Variants in SNCAIP observed in about 807,000 individuals in gnomAD.
SNCAIP encodes synuclein alpha interacting protein.
Under a neutral mutation model 86.7 loss-of-function variants are expected in SNCAIP, and 43 were observed. The observed-to-expected ratio is 0.50, with a 90% CI of 0.39 to 0.64. The LOEUF (loss-of-function observed/expected upper bound fraction) is 0.64. Ranked by LOEUF, SNCAIP falls within the 30% of genes least tolerant of loss-of-function variation. SNCAIP has a pLI of 0.00. For missense variants in SNCAIP, 981 were observed against 1,103.1 expected, an observed-to-expected ratio of 0.89 and a Z score of 1.57; for synonymous variants, 417 against 427.2, an observed-to-expected ratio of 0.98 and a Z score of 0.29.
intron 1 of SNCAIP, among the ~76,000 whole-genome samples, chr5:122,313,314 T>C (rs1191402018): frequency 2.0e-5 from 3 of 149,718 alleles, no homozygotes; most frequent in Admixed American, 6.6e-5. Context: ...ACGGGAGAAC[T>C]GCTGCAGGAC....
In SNCAIP at chr5:122,423,062, G is replaced by A. The variant is rs770918170; in HGVS notation, c.325G>A (p.Gly109Ser). Residue 109 changes from glycine to serine, a missense_variant, in exon 4 of 11, where the codon GGT becomes AGT. Physicochemically the swap from Gly to Ser is moderately conservative, Grantham distance 56 (BLOSUM62 0). Coordinates refer to ENST00000261368, the MANE Select transcript of SNCAIP (RefSeq NM_005460.4). The part of the protein sequence containing the change: ...NQKVVEYQKG[G>S]ESDLGPQPQE... ...GAAAGTGGTTGAGTACCAGAAAGGG[G>A]GTGAGTCTGACCTGGGCCCCCAGCC... is the stretch of plus-strand genomic sequence containing the variant. 1 of 1,614,068 alleles carries A rather than the reference G, an allele frequency of 6.2e-7. No homozygotes were observed. Among genetic ancestry groups the A allele is most frequent in the South Asian group, 1.1e-5 (1 of 91,058 alleles).
chr5:122,448,740 TACAC>T (rs1228270938), intron 8 of SNCAIP, among the ~76,000 whole-genome samples: 1 of 142,416 alleles, frequency 7.0e-6, no homozygotes, highest in African/African-American at 2.6e-5. Context: ...TATATATATA[TACAC>T]ACACACACAT....
At chr5:122,319,344 G>T (rs1465264047) in intron 1 of SNCAIP, among the ~76,000 whole-genome samples, 1 of 152,128 alleles carries the variant, frequency 6.6e-6, no homozygotes, top group African/African-American at 2.4e-5. Context: ...CTGTGATACT[G>T]CTGCTGCCAG....
Position 122,463,545 on chromosome 5 carries a change from T to G in SNCAIP, c.*49T>G, listed in dbSNP as rs760580286. ...AATCCTACAGCATAAAGCACATTGCTGAGCCAGAGTCAAAAGAACTCTTCT... is the reference window on the plus strand; with the variant it reads ...AATCCTACAGCATAAAGCACATTGCGGAGCCAGAGTCAAAAGAACTCTTCT... On this transcript the variant is annotated 3_prime_UTR_variant, in exon 11 of 11. Transcript: ENST00000261368. 1.9e-5 allele frequency: 31 copies of G among 1,604,592 alleles called. No homozygotes were observed. Among genetic ancestry groups the G allele is most frequent in the Non-Finnish European group, 2.6e-5 (31 of 1,172,840 alleles).
At position 122,406,479 on chromosome 5, in the gene SNCAIP, C is replaced by T. The variant is rs190340386; in HGVS notation, c.130+2614C>T. The stretch of plus-strand genomic sequence containing the variant: ...ATATGGTTTGGATCTCTGTTCCCAT[C>T]CAAACCTCATGTTGAATGGTAAACC... On this transcript the variant is annotated intron_variant, in intron 3 of 10. Coordinates refer to ENST00000261368, the MANE Select transcript of SNCAIP (RefSeq NM_005460.4). Among the ~76,000 whole-genome samples, 394 of 152,266 alleles carry T rather than the reference C, an allele frequency of 2.6e-3. 3 individuals are homozygous for T. Among genetic ancestry groups the T allele is most frequent in the African/African-American group, 8.6e-3 (359 of 41,548 alleles).
intron 1 of SNCAIP, among the ~76,000 whole-genome samples, chr5:122,353,862 C>T (rs1350732445): frequency 6.6e-6 from 1 of 151,980 alleles, no homozygotes; most frequent in Non-Finnish European, 1.5e-5. Context: ...GCAGAAAGGG[C>T]CCAAGATGAG....
chr5:122,395,982 C>T (rs1020391250), intron 2 of SNCAIP, among the ~76,000 whole-genome samples: 2 of 151,824 alleles, frequency 1.3e-5, no homozygotes, highest in Admixed American at 6.6e-5. Flanking sequence ...CTGTCTCTGT[C>T]TGTAAGCCCT....
chr5:122,457,693 C>T (rs1030846978), intron 10 of SNCAIP, among the ~76,000 whole-genome samples: 1 of 152,112 alleles, frequency 6.6e-6, no homozygotes, highest in Non-Finnish European at 1.5e-5. Flanking sequence ...ACCTCAGCCT[C>T]GCCTGTAGTT....
chr5:122,387,251 C>T (rs546446270), intron 1 of SNCAIP, among the ~76,000 whole-genome samples: 1 of 150,952 alleles, frequency 6.6e-6, no homozygotes, highest in African/African-American at 2.4e-5. Flanking sequence ...CTCCACCTCC[C>T]GGGTTCAAGT....
At position 122,444,565 on chromosome 5, in the gene SNCAIP, C is replaced by T; in HGVS notation, c.1425C>T (p.Thr475=). ...SQHGYLGCIQ[T]LVEYGANVTM... ...ACATGTCCTTCATTTTCTGACAGAC[C>T]TTGGTTGAATATGGAGCAAATGTCA... is the stretch of plus-strand genomic sequence containing the variant. Residue 475 remains threonine, a splice_region_variant and synonymous_variant, in exon 8 of 11, where the codon ACC becomes ACT. Transcript: ENST00000261368. 6.2e-7 allele frequency: 1 copy of T among 1,613,910 alleles called. No individual in the cohort carries two copies. Among genetic ancestry groups the T allele is most frequent in the East Asian group, 2.2e-5 (1 of 44,874 alleles).
intron 1 of SNCAIP, among the ~76,000 whole-genome samples, chr5:122,329,065 C>T (rs996097432): frequency 6.6e-6 from 1 of 152,134 alleles, no homozygotes; most frequent in African/African-American, 2.4e-5. Flanking sequence ...CTGCAGGCTC[C>T]TCAATGCCAG....
intron 3 of SNCAIP, among the ~76,000 whole-genome samples, chr5:122,411,967 C>G (rs945928519): frequency 6.6e-6 from 1 of 152,150 alleles, no homozygotes; most frequent in African/African-American, 2.4e-5. Flanking sequence ...CAGGATGGTT[C>G]TCAAGATATG....
At chr5:122,404,005 C>T (rs1772429763) in intron 3 of SNCAIP, 140 bp downstream of exon 3, 3 of 701,766 alleles carry the variant, frequency 4.3e-6, no homozygotes, top group Non-Finnish European at 7.8e-6. Context: ...CCACCCCCCA[C>T]CTCATGCCCT....
chr5:122,320,263 A>G (rs921313572), intron 1 of SNCAIP, among the ~76,000 whole-genome samples: 1 of 152,148 alleles, frequency 6.6e-6, no homozygotes, highest in Non-Finnish European at 1.5e-5. Flanking sequence ...CTTCTTACTC[A>G]TTTCCGAGTA....
At chr5:122,326,938 C>CTATG (rs36064900) in intron 1 of SNCAIP, among the ~76,000 whole-genome samples, 51,238 of 146,702 alleles carry the variant, frequency 0.35, 10,276 homozygotes, top group Non-Finnish European at 0.48. Flanking sequence ...ACTTTCTCAA[C>CTATG]TATGTATGTA....
intron 1 of SNCAIP, among the ~76,000 whole-genome samples, chr5:122,368,952 A>C (rs941133236): frequency 3.9e-5 from 6 of 152,150 alleles, no homozygotes; most frequent in Non-Finnish European, 8.8e-5. Context: ...CCTATATAAA[A>C]ATGCACATAT....
chr5:122,344,621 C>G (rs1758240414), intron 1 of SNCAIP, among the ~76,000 whole-genome samples: 1 of 152,082 alleles, frequency 6.6e-6, no homozygotes, highest in Admixed American at 6.6e-5. Context: ...CAAAATACAT[C>G]AATAAGCAAA....
intron 2 of SNCAIP, among the ~76,000 whole-genome samples, chr5:122,400,010 A>T (rs1368338775): frequency 6.6e-6 from 1 of 152,088 alleles, no homozygotes; most frequent in Non-Finnish European, 1.5e-5. Context: ...CTTATGGGGC[A>T]GGGGTCAGAA....
In SNCAIP at chr5:122,440,400, C is replaced by T. The variant is rs139957968; in HGVS notation, c.1297-229C>T. 2.7e-4 allele frequency: 139 copies of T among 520,944 alleles called. 1 individual carries two copies. In the East Asian group the frequency reaches 3.7e-3, roughly 14 times the overall value. The allele number at this position is 520,944 out of a possible 1,614,324, so 32.3% of individuals were successfully genotyped here. A position where few individuals can be genotyped will look rare whatever the true frequency, so the allele number is the denominator to read the frequency against. On this transcript the variant is annotated intron_variant, in intron 6 of 10. Coordinates refer to ENST00000261368, the MANE Select transcript of SNCAIP (RefSeq NM_005460.4). ...ATAGAATAGATAAGTAAAATAAGAG[C>T]GCTTCCAAGGGAGCTTCCTGCTCTT...
Sources: allele counts gnomAD v4.1 joint callset (sites outside exome capture counted in the v4.1 genomes callset), GRCh38; gene constraint gnomAD v4.1.1; transcripts MANE v1.5; gene names NCBI Gene and HGNC (gene_info 2026-07-23, HGNC 2026-07-21).